PGBD1: variants seen among roughly 807,000 people sequenced by gnomAD.
The protein encoded by PGBD1 is piggyBac transposable element derived 1, also known as piggyBac transposable element-derived protein 1.
Under a neutral mutation model 34.7 loss-of-function variants are expected in PGBD1, and 25 were observed. The ratio of observed to expected loss-of-function variants is 0.72; its 90% CI spans 0.52 to 1.00. The LOEUF (loss-of-function observed/expected upper bound fraction) is 1.00, where lower values mean the gene tolerates loss of function less well. PGBD1 is among the 50% of genes least tolerant of loss of function. The pLI, the probability that PGBD1 is intolerant of heterozygous loss-of-function variation, is 0.00. For missense variants in PGBD1, 830 were observed against 959.4 expected, an observed-to-expected ratio of 0.87 and a Z score of 1.78; for synonymous variants, 292 against 335.7, an observed-to-expected ratio of 0.87 and a Z score of 1.42.
chr6:28,286,618 T>C (rs1431010611), intron 3 of PGBD1, among the ~76,000 whole-genome samples: 2 of 152,158 alleles, frequency 1.3e-5, no homozygotes, highest in Non-Finnish European at 2.9e-5. Context: ...CTAACATCTC[T>C]TCTCTATTTT....
At chr6:28,299,109 A>G (rs750658329) in intron 6 of PGBD1, among the ~76,000 whole-genome samples, 3 of 152,218 alleles carry the variant, frequency 2.0e-5, no homozygotes. Flanking sequence ...AGGAAGAGAT[A>G]TGATGTTCAG....
In PGBD1 at chr6:28,300,502, A is replaced by G. The variant is rs1475038270; in HGVS notation, c.870-222A>G. ...CCAAGGATACTCAGTTATTTCTCCC[A>G]GGCTCAACAGTTAGTTCCATCCTGA... On this transcript the variant is annotated intron_variant, in intron 6 of 6. Coordinates refer to ENST00000682144, the MANE Select transcript of PGBD1 (RefSeq NM_032507.4). This position sits in a 1 kb window ranked among gnomAD's most constrained non-coding sequence, Gnocchi z 4.0. Among the ~76,000 whole-genome samples, 7 of 152,204 alleles carry G rather than the reference A, an allele frequency of 4.6e-5. No homozygotes were observed. The highest frequency in any genetic ancestry group is 1.7e-4 in the African/African-American group (7 of 41,456).
intron 4 of PGBD1, among the ~76,000 whole-genome samples, chr6:28,288,943 A>G (rs1334385279): frequency 6.6e-6 from 1 of 152,114 alleles, no homozygotes; most frequent in Non-Finnish European, 1.5e-5. Flanking sequence ...AGCCGAGATC[A>G]TGCCATTACA....
At chr6:28,297,048 C>T in intron 5 of PGBD1, 103 bp downstream of exon 5, 1 of 1,288,332 alleles carries the variant, frequency 7.8e-7, no homozygotes, top group Non-Finnish European at 1.1e-6. Flanking sequence ...GACCCACACC[C>T]TTCCTTTCCC....
intron 4 of PGBD1, among the ~76,000 whole-genome samples, chr6:28,293,986 C>T (rs1472635753): frequency 6.6e-6 from 1 of 152,132 alleles, no homozygotes; most frequent in African/African-American, 2.4e-5. Flanking sequence ...TGTTGAAAGC[C>T]GAGATAGGCC....
intron 2 of PGBD1, among the ~76,000 whole-genome samples, chr6:28,284,422 T>TCC (rs34279830): frequency 6.7e-6 from 1 of 149,278 alleles, no homozygotes; most frequent in Non-Finnish European, 1.5e-5. Context: ...GGAAGTGCAT[T>TCC]CCCCCCCCCC....
At chr6:28,289,739 C>G (rs1403180793) in intron 4 of PGBD1, among the ~76,000 whole-genome samples, 2 of 152,044 alleles carry the variant, frequency 1.3e-5, no homozygotes, top group Non-Finnish European at 2.9e-5. Context: ...GATGCTATAC[C>G]TGGAGACATG....
At chr6:28,299,343 C>T (rs926527995) in intron 6 of PGBD1, among the ~76,000 whole-genome samples, 1 of 151,870 alleles carries the variant, frequency 6.6e-6, no homozygotes, top group Non-Finnish European at 1.5e-5. Flanking sequence ...CCCTCACCCC[C>T]ACCCCACTTT....
In PGBD1 at chr6:28,301,626, C is replaced by T. The variant is rs1010382130; in HGVS notation, c.1772C>T (p.Thr591Ile). ...VWFEPYQEES[T>I]MKVDEDPDLG... ...TTTGAACCCTATCAAGAAGAATCAA[C>T]TATGAAGGTAGATGAGGATCCTGAT... Residue 591 changes from threonine to isoleucine, a missense_variant, in exon 7 of 7, where the codon ACT (threonine) becomes ATT (isoleucine). Around this residue, in one of 3 missense-constraint regions of PGBD1, gnomAD observed 372 missense variants for 427.9 expected, o/e 0.87. Transcript: ENST00000682144. 3.7e-6 allele frequency: 6 copies of T among 1,614,014 alleles called. No individual in the cohort carries two copies. Among genetic ancestry groups the T allele is most frequent in the Non-Finnish European group, 5.1e-6 (6 of 1,180,028 alleles).
intron 3 of PGBD1, among the ~76,000 whole-genome samples, chr6:28,286,529 T>C (rs1231161663): frequency 6.6e-6 from 1 of 152,240 alleles, no homozygotes; most frequent in Non-Finnish European, 1.5e-5. Flanking sequence ...GTGGCTGGCC[T>C]TGTGCAGTCA....
intron 4 of PGBD1, among the ~76,000 whole-genome samples, chr6:28,291,368 A>T (rs1052500905): frequency 5.9e-5 from 9 of 152,032 alleles, no homozygotes; most frequent in African/African-American, 1.2e-4. Flanking sequence ...TCCTAGATGC[A>T]TGCCAACTAC....
chr6:28,291,226 A>G (rs1762442071), intron 4 of PGBD1, among the ~76,000 whole-genome samples: 2 of 151,660 alleles, frequency 1.3e-5, no homozygotes, highest in Admixed American at 1.3e-4. Flanking sequence ...ACAAAAAAGG[A>G]GAAGACCCAA....
chr6:28,288,903 G>A (rs1485783031), intron 4 of PGBD1, among the ~76,000 whole-genome samples: 4 of 152,120 alleles, frequency 2.6e-5, no homozygotes, highest in East Asian at 3.9e-4. Flanking sequence ...CAGGAGAATC[G>A]CTTGAACCTG....
chr6:28,301,066 A>G lies in PGBD1; in HGVS notation c.1212A>G (p.Ala404=). The G allele has an allele frequency of 1.2e-6, 2 of 1,614,228 alleles. No homozygotes were observed. The highest frequency in any genetic ancestry group is 1.7e-6 in the Non-Finnish European group (2 of 1,180,044). Residue 404 remains alanine (A), a synonymous_variant, in exon 7 of 7, where the codon GCA becomes GCG. Coordinates refer to ENST00000682144, the MANE Select transcript of PGBD1 (RefSeq NM_032507.4). ...AACCCAATTTTCCAAGCTGGTCAGC[A>G]CTGGATTCTGGACTTTTGAATCTCA... The part of the protein sequence containing the change: ...DIKPNFPSWS[A]LDSGLLNLKS...
chr6:28,294,636 C>T lies in PGBD1; in HGVS notation c.643-2180C>T, dbSNP rs192217106. On this transcript the variant is annotated intron_variant, in intron 4 of 6. Transcript: ENST00000682144. ...TTATGCTAAACCTACTCTGCCTGTA[C>T]TCTAGAAATGGAACAACAAAGCCTG... 1.6e-3 allele frequency among the ~76,000 whole-genome samples: 250 copies of T among 152,266 alleles called. 1 individual carries two copies. Among genetic ancestry groups the T allele is most frequent in the African/African-American group, 3.6e-3 (149 of 41,548 alleles).
intron 4 of PGBD1, among the ~76,000 whole-genome samples, chr6:28,291,848 A>G (rs182835419): frequency 6.6e-6 from 1 of 152,234 alleles, no homozygotes; most frequent in Non-Finnish European, 1.5e-5. Context: ...TCAAGAACAA[A>G]CACCATATGA....
chr6:28,283,828 G>T lies in PGBD1; in HGVS notation c.15G>T (p.Leu5Phe). Residue 5 changes from leucine to phenylalanine, a missense_variant, in exon 2 of 7, where the codon TTG (leucine) becomes TTT (phenylalanine). This residue lies in a region of PGBD1 where 457 missense variants were observed against 515.4 expected (regional missense o/e 0.89). Coordinates refer to ENST00000682144, the MANE Select transcript of PGBD1 (RefSeq NM_032507.4). ...CTAAGCTCAACATGTATGAAGCTTT[G>T]CCAGGCCCTGCTCCTGAAAATGAAG... MYEA[L>F]PGPAPENEDG... 6.3e-7 allele frequency: 1 copy of T among 1,599,788 alleles called. No individual in the cohort carries two copies. The highest frequency in any genetic ancestry group is 1.1e-5 in the South Asian group (1 of 89,770).
At chr6:28,287,786 T>G (rs1762332171) in intron 4 of PGBD1, among the ~76,000 whole-genome samples, 1 of 152,210 alleles carries the variant, frequency 6.6e-6, no homozygotes, top group African/African-American at 2.4e-5. Context: ...TTCTATGGCT[T>G]CTAATTAATT....
At chr6:28,282,191 A>G (rs1420510145) in intron 1 of PGBD1, among the ~76,000 whole-genome samples, 2 of 152,196 alleles carry the variant, frequency 1.3e-5, no homozygotes, top group Non-Finnish European at 1.5e-5. Context: ...GAGTGGGTGG[A>G]AAAAAATTGA....
Sources: gnomAD v4.1 joint callset for allele counts (sites outside exome capture counted in the v4.1 genomes callset) on GRCh38, gnomAD v4.1.1 for gene constraint, gnomAD v4.1.1 regional missense constraint, Gnocchi (gnomAD v3.1) non-coding constraint, MANE v1.5 for transcripts, NCBI Gene and HGNC (gene_info 2026-07-23, HGNC 2026-07-21) for gene names.